GSE1: variants seen among roughly 807,000 people sequenced by gnomAD.
GSE1 encodes Gse1 coiled-coil protein.
In GSE1, 32 loss-of-function variants were observed where a neutral mutation model predicts 112.6. The observed-to-expected ratio is 0.28, with a 90% CI of 0.21 to 0.38. GSE1 has a LOEUF of 0.38. Among genes scored for constraint, GSE1 ranks in the 10% least tolerant of loss-of-function variants. The pLI, the probability that GSE1 is intolerant of heterozygous loss-of-function variation, is 1.00. For synonymous variants in GSE1, 1,115 were observed against 735.6 expected, an observed-to-expected ratio of 1.52 and a Z score of -8.35; for missense variants, 2,348 against 1,699.2, an observed-to-expected ratio of 1.38 and a Z score of -6.71.
intron 2 of GSE1, among the ~76,000 whole-genome samples, chr16:85,482,012 C>G (rs370974651): frequency 6.6e-6 from 1 of 152,240 alleles, no homozygotes; most frequent in Non-Finnish European, 1.5e-5. Context: ...CCCTTGCAGG[C>G]GGGCCATCTG....
intron 2 of GSE1, chr16:85,357,676 C>G (rs2046977572): frequency 2.4e-6 from 3 of 1,267,062 alleles, no homozygotes; most frequent in South Asian, 1.2e-5. Flanking sequence ...TCTCTGGGTA[C>G]TGGGCTGGGA....
chr16:85,656,237 G>A, intron 6 of GSE1, 106 bp from the exon 7 acceptor site: 10 of 1,408,898 alleles, frequency 7.1e-6, no homozygotes, highest in Non-Finnish European at 9.7e-6. Context: ...TCACTGTTCA[G>A]ATTAGCGCCC....
intron 1 of GSE1, among the ~76,000 whole-genome samples, chr16:85,342,736 T>G (rs985563408): frequency 2.0e-5 from 3 of 152,072 alleles, no homozygotes; most frequent in Non-Finnish European, 4.4e-5. Context: ...GATTAGCTGT[T>G]CATAGCCACT....
intron 1 of GSE1, among the ~76,000 whole-genome samples, chr16:85,297,025 A>G (rs1002199918): frequency 6.6e-6 from 1 of 151,990 alleles, no homozygotes; most frequent in Non-Finnish European, 1.5e-5. Context: ...TTATTGACTT[A>G]TGGGGCTTGG....
intron 1 of GSE1, among the ~76,000 whole-genome samples, chr16:85,335,379 G>A (rs1163862557): frequency 1.3e-5 from 2 of 152,246 alleles, no homozygotes; most frequent in African/African-American, 4.8e-5. Context: ...AGTGAGTTCA[G>A]TCGGCTTTTT....
intron 2 of GSE1, among the ~76,000 whole-genome samples, chr16:85,447,532 C>T (rs1372800351): frequency 6.6e-6 from 1 of 152,238 alleles, no homozygotes; most frequent in Non-Finnish European, 1.5e-5. Flanking sequence ...CGCAGGTGCT[C>T]AGCACATACC....
At chr16:85,478,885 TTCTTTCTTTCTTTCTTTCTTTCTTTC>T (rs1567520430) in intron 2 of GSE1, among the ~76,000 whole-genome samples, 2 of 66,580 alleles carry the variant, frequency 3.0e-5, no homozygotes, top group African/African-American at 1.1e-4. Context: ...CTTTCTTTCT[TTCTTTCTTTCTTTCTTTCTTTCTTTC>T]TTTCTTTCTT....
In GSE1 at chr16:85,506,162, G is replaced by A. The variant is rs117146139; in HGVS notation, c.2465-127752G>A. Among the ~76,000 whole-genome samples the A allele has an allele frequency of 1.1e-3, 173 of 152,272 alleles. 3 individuals are homozygous for A. The East Asian group carries it at 0.032, about 28-fold the overall frequency. On this transcript the variant is annotated intron_variant, in intron 2 of 2. Transcript: ENST00000637419. ...GAGCTTCCTATGGTAGCTCTGGCCA[G>A]CGGAACTTCCTGCATCCATGGAGCA...
chr16:85,458,973 C>T (rs1166473109), intron 2 of GSE1, among the ~76,000 whole-genome samples: 1 of 152,158 alleles, frequency 6.6e-6, no homozygotes, highest in Non-Finnish European at 1.5e-5. Flanking sequence ...CTGGGTGGGG[C>T]AAGCAGTGCC....
chr16:85,433,566 T>G (rs1376108904), intron 2 of GSE1, among the ~76,000 whole-genome samples: 2 of 151,838 alleles, frequency 1.3e-5, no homozygotes, highest in African/African-American at 4.8e-5. Flanking sequence ...GCTGTGTAGA[T>G]GGATGGATGA....
intron 1 of GSE1, among the ~76,000 whole-genome samples, chr16:85,313,140 G>C (rs1468892805): frequency 6.6e-6 from 1 of 152,212 alleles, no homozygotes; most frequent in Non-Finnish European, 1.5e-5. Context: ...AACCGTCTCA[G>C]AAAGTGAGAG....
intron 2 of GSE1, among the ~76,000 whole-genome samples, chr16:85,441,088 G>T (rs935034151): frequency 6.6e-6 from 1 of 152,198 alleles, no homozygotes; most frequent in Admixed American, 6.5e-5. Context: ...GCAGAGTGTG[G>T]ACTTCAGGGA....
intron 2 of GSE1, among the ~76,000 whole-genome samples, chr16:85,509,160 G>A (rs763482190): frequency 2.0e-5 from 3 of 152,204 alleles, no homozygotes; most frequent in Admixed American, 6.5e-5. Flanking sequence ...ATCGTGTGAC[G>A]GAGAAAGTGG....
chr16:85,547,194 C>A (rs1415543552), intron 2 of GSE1, among the ~76,000 whole-genome samples: 1 of 152,220 alleles, frequency 6.6e-6, no homozygotes, highest in African/African-American at 2.4e-5. Context: ...CTTCCCAGGG[C>A]TGGTGGGACA....
At chr16:85,538,716 C>A (rs996234725) in intron 2 of GSE1, among the ~76,000 whole-genome samples, 3 of 152,198 alleles carry the variant, frequency 2.0e-5, no homozygotes, top group Non-Finnish European at 2.9e-5. Context: ...AGGTCACCCA[C>A]CAGACCAACC....
chr16:85,619,882 T>G (rs1338348287), intron 1 of GSE1, among the ~76,000 whole-genome samples: 1 of 152,076 alleles, frequency 6.6e-6, no homozygotes, highest in Non-Finnish European at 1.5e-5. Flanking sequence ...GGTAATTAAT[T>G]GGTAGAGGAG....
chr16:85,524,527 A>ATC (rs2151164342), intron 2 of GSE1, among the ~76,000 whole-genome samples: 1 of 151,392 alleles, frequency 6.6e-6, no homozygotes, highest in South Asian at 2.1e-4. Context: ...TGCAGTCTGC[A>ATC]TCTCGGGCTT....
chr16:85,440,336 G>A (rs1373666889), intron 2 of GSE1, among the ~76,000 whole-genome samples: 2 of 152,238 alleles, frequency 1.3e-5, no homozygotes, highest in African/African-American at 4.8e-5. Flanking sequence ...CCTGGATTGA[G>A]GCCTCAGGAT....
chr16:85,547,977 C>G (rs1382529789), intron 2 of GSE1, among the ~76,000 whole-genome samples: 1 of 151,548 alleles, frequency 6.6e-6, no homozygotes. Context: ...CCTGTAATCC[C>G]AGGACTTTGG....
Sources: gnomAD v4.1 joint callset for allele counts (sites outside exome capture counted in the v4.1 genomes callset) on GRCh38, gnomAD v4.1.1 for gene constraint, MANE v1.5 for transcripts, NCBI Gene and HGNC (gene_info 2026-07-23, HGNC 2026-07-21) for gene names.